The following HNMT variants were observed in gnomAD, a reference collection of about 807,000 sequenced individuals.
The protein encoded by HNMT is histamine N-methyltransferase.
Under a neutral mutation model 32.1 loss-of-function variants are expected in HNMT, and 30 were observed. The observed-to-expected ratio is 0.93, with a 90% CI of 0.70 to 1.27. HNMT has a LOEUF of 1.27. Among genes scored for constraint, HNMT ranks in the 50% most tolerant of loss-of-function variants. HNMT has a pLI of 0.00. For missense variants in HNMT, 327 were observed against 346.0 expected (o/e 0.95, Z 0.43); for synonymous variants, 125 against 119.0 (o/e 1.05, Z -0.33).
At chr2:137,977,354 G>T (rs1680317286) in intron 2 of HNMT, among the ~76,000 whole-genome samples, 1 of 152,078 alleles carries the variant, frequency 6.6e-6, no homozygotes, top group Non-Finnish European at 1.5e-5. Flanking sequence ...TGACAGTCAT[G>T]CTGTATAAAA....
chr2:138,015,384 C>T lies in HNMT; in HGVS notation c.*1254C>T, dbSNP rs535875538. ...CCTTCAACCCCGTGTGATACTCACT[C>T]TTTCATGCAATAGGGCTTCCATGTA... On this transcript the variant is annotated 3_prime_UTR_variant, in exon 6 of 6. Coordinates refer to ENST00000280097, the MANE Select transcript of HNMT (RefSeq NM_006895.3). 6.6e-6 allele frequency: 1 copy of T among 152,178 alleles called. No individual in the cohort carries two copies. Among genetic ancestry groups the T allele is most frequent in the Non-Finnish European group, 1.5e-5 (1 of 68,006 alleles). The allele number at this position is 152,178 out of a possible 1,614,324, so 9.4% of individuals were successfully genotyped here.
intron 2 of HNMT, among the ~76,000 whole-genome samples, chr2:137,985,153 C>T (rs1014399180): frequency 1.3e-5 from 2 of 150,884 alleles, no homozygotes; most frequent in African/African-American, 4.9e-5. Flanking sequence ...CTAAAACGTG[C>T]ATGGACAAAA....
At chr2:137,985,331 GC>G (rs1182254353) in intron 2 of HNMT, among the ~76,000 whole-genome samples, 5 of 152,150 alleles carry the variant, frequency 3.3e-5, no homozygotes, top group Non-Finnish European at 7.3e-5. Context: ...CTAATTTAAA[GC>G]CGTGTCCTAA....
intron 5 of HNMT, among the ~76,000 whole-genome samples, chr2:138,008,897 T>A (rs1681412411): frequency 6.6e-6 from 1 of 151,932 alleles, no homozygotes; most frequent in Non-Finnish European, 1.5e-5. Context: ...ATAAAAACAT[T>A]GGCAAATGGC....
chr2:137,995,191 AC>A (rs1480171529), intron 2 of HNMT, among the ~76,000 whole-genome samples: 2 of 151,566 alleles, frequency 1.3e-5, no homozygotes, highest in East Asian at 1.9e-4. Flanking sequence ...GGAGATAGAG[AC>A]CCAAAAACCC....
Position 138,014,094 on chromosome 2 carries a change from TA to T in HNMT, c.845del (p.Asn282IlefsTer4). 6.2e-7 allele frequency: 1 copy of T among 1,603,612 alleles called. No homozygotes were observed. The highest frequency in any genetic ancestry group is 8.5e-7 in the Non-Finnish European group (1 of 1,173,452). ...SAKKEGKVLFNNTLSFIVIEA is the reference protein window; with the variant it reads ...SAKKEGKVLFXNTLSFIVIEA ...CTAAGAAAGAGGGGAAGGTTCTTTT[TA>T]ATAATACTCTGAGTTTCATAGTGAT... On this transcript the variant is annotated frameshift_variant, in exon 6 of 6. Coordinates refer to ENST00000280097, the MANE Select transcript of HNMT (RefSeq NM_006895.3). LOFTEE classifies it high-confidence loss of function.
chr2:138,010,674 C>A (rs867315926), intron 5 of HNMT, among the ~76,000 whole-genome samples: 2 of 151,944 alleles, frequency 1.3e-5, no homozygotes, highest in African/African-American at 4.8e-5. Context: ...TACAGAATTA[C>A]CCTAACTCAA....
intron 2 of HNMT, among the ~76,000 whole-genome samples, chr2:137,972,050 C>T (rs1680153501): frequency 6.6e-6 from 1 of 152,002 alleles, no homozygotes; most frequent in Non-Finnish European, 1.5e-5. Flanking sequence ...CTCATATTAA[C>T]ACAAAGATAA....
intron 2 of HNMT, among the ~76,000 whole-genome samples, chr2:137,985,007 A>G (rs942631295): frequency 1.3e-5 from 2 of 152,204 alleles, no homozygotes; most frequent in Non-Finnish European, 2.9e-5. Flanking sequence ...AACATTTGAC[A>G]TACCAGCAAT....
intron 5 of HNMT, 131 bp downstream of exon 5, chr2:138,005,356 C>A: frequency 1.6e-6 from 1 of 630,260 alleles, no homozygotes. Flanking sequence ...TAATCATAGC[C>A]AATTAATTTT....
chr2:138,013,359 A>G (rs758291263), intron 5 of HNMT, among the ~76,000 whole-genome samples: 1 of 151,882 alleles, frequency 6.6e-6, no homozygotes, highest in Non-Finnish European at 1.5e-5. Flanking sequence ...TTCAGCTCCA[A>G]TTTCACTGGC....
rs1681655140 is a variant in HNMT, at chr2:138,016,075, G to T, written c.*1945G>T. 1 of 152,072 alleles carries T rather than the reference G, an allele frequency of 6.6e-6. No homozygotes were observed. Among genetic ancestry groups the T allele is most frequent in the South Asian group, 2.1e-4 (1 of 4,826 alleles). The allele number at this position is 152,072 out of a possible 1,614,324, so 9.4% of individuals were successfully genotyped here. The stretch of plus-strand genomic sequence containing the variant: ...CCTATCCCTGTTTTCTTCCTGCACT[G>T]TATGATAATACCAAAATTTGGGACA... On this transcript the variant is annotated 3_prime_UTR_variant, in exon 6 of 6. Transcript: ENST00000280097.
intron 2 of HNMT, among the ~76,000 whole-genome samples, chr2:137,988,145 A>T (rs1033214746): frequency 6.6e-6 from 1 of 152,216 alleles, no homozygotes; most frequent in Non-Finnish European, 1.5e-5. Context: ...GGACCAGGCC[A>T]GATAGTCTAT....
chr2:137,984,513 C>T (rs1391422301), intron 2 of HNMT, among the ~76,000 whole-genome samples: 1 of 152,104 alleles, frequency 6.6e-6, no homozygotes, highest in Admixed American at 6.5e-5. Flanking sequence ...AAGAAATTAT[C>T]TCTATAAGCC....
intron 2 of HNMT, among the ~76,000 whole-genome samples, chr2:137,998,745 T>G (rs557930711): frequency 6.6e-6 from 1 of 152,148 alleles, no homozygotes; most frequent in Non-Finnish European, 1.5e-5. Flanking sequence ...CAACCTGAAA[T>G]GTCAAGGTCC....
At position 138,005,238 on chromosome 2, in the gene HNMT, C is replaced by CAGCCTGAATTTTAAA. The variant is rs1479749510; in HGVS notation, c.523+14_523+15insGCCTGAATTTTAAAA. 4.2e-6 allele frequency: 6 copies of CAGCCTGAATTTTAAA among 1,413,512 alleles called. No individual in the cohort carries two copies. Among genetic ancestry groups the CAGCCTGAATTTTAAA allele is most frequent in the African/African-American group, 1.4e-5 (1 of 70,754 alleles). The allele number at this position is 1,413,512 out of a possible 1,614,324, so 87.6% of individuals were successfully genotyped here. On this transcript the variant is annotated intron_variant, in intron 5 of 5. Transcript: ENST00000280097. Reference sequence around the variant, plus strand: ...ATTGTTGTGTCAGGTAAGTTATTTTCATTCAGCCTGAATTTTAAAACAGCA... The same window carrying CAGCCTGAATTTTAAA: ...ATTGTTGTGTCAGGTAAGTTATTTTCAGCCTGAATTTTAAAATTCAGCCTGAATTTTAAAACAGCA...
chr2:137,995,970 T>C (rs906165134), intron 2 of HNMT, among the ~76,000 whole-genome samples: 1 of 152,052 alleles, frequency 6.6e-6, no homozygotes, highest in African/African-American at 2.4e-5. Context: ...ATTAAACTAC[T>C]CTTCTTGTTA....
chr2:137,988,794 G>A (rs1680730145), intron 2 of HNMT: 2 of 152,318 alleles, frequency 1.3e-5, no homozygotes, highest in Admixed American at 6.5e-5. Context: ...AGAATCGCTT[G>A]AACCTGGGAG....
intron 2 of HNMT, among the ~76,000 whole-genome samples, chr2:137,997,993 G>C (rs1299319489): frequency 1.3e-5 from 2 of 152,068 alleles, no homozygotes; most frequent in African/African-American, 4.8e-5. Context: ...ACAGAGCGGG[G>C]AGCAACAGAC....
Sources: allele counts gnomAD v4.1 joint callset (sites outside exome capture counted in the v4.1 genomes callset), GRCh38; gene constraint gnomAD v4.1.1; transcripts MANE v1.5; gene names NCBI Gene and HGNC (gene_info 2026-07-23, HGNC 2026-07-21).